The following SAMD3 variants were observed in gnomAD, a reference collection of about 807,000 sequenced individuals.
SAMD3 encodes sterile alpha motif domain-containing protein 3.
A neutral mutation model predicts 58.5 loss-of-function variants in SAMD3; 63 were observed. The ratio of observed to expected loss-of-function variants is 1.08; its 90% confidence interval spans 0.88 to 1.33. SAMD3 has a LOEUF of 1.33. SAMD3 is among the 40% of genes most tolerant of loss of function. The pLI is 0.00. For missense variants in SAMD3, 604 were observed against 608.4 expected (o/e 0.99, Z 0.08); for synonymous variants, 220 against 210.3 (o/e 1.05, Z -0.40).
chr6:130,343,191 T>C (rs1777323663), intron 1 of SAMD3, among the ~76,000 whole-genome samples: 1 of 151,934 alleles, frequency 6.6e-6, no homozygotes, highest in Non-Finnish European at 1.5e-5. Flanking sequence ...ATAAAAAGGA[T>C]TTCATTTCAC....
intron 2 of SAMD3, chr6:130,215,856 G>C: frequency 6.5e-7 from 1 of 1,533,984 alleles, no homozygotes; most frequent in Non-Finnish European, 8.7e-7. Flanking sequence ...ATTGTTTTCC[G>C]TTAGCAAGAA....
In SAMD3 at chr6:130,144,768, G is replaced by C. The variant is rs1005943455; in HGVS notation, c.1315C>G (p.Pro439Ala). The change falls in exon 12 of 12, where the codon CCT becomes GCT. Residue 439 changes from proline (P) to alanine (A), a missense_variant. Physicochemically the swap from Pro to Ala is conservative, Grantham distance 27. Coordinates refer to ENST00000439090, the MANE Select transcript of SAMD3 (RefSeq NM_001017373.4). ...AATTCGCAGACCTCCATGTTGAAAG[G>C]GTTTTTAACTTCCAACACAGGTGTG... is the stretch of plus-strand genomic sequence containing the variant. ...VSTPVLEVKN[P>A]FNMEVCEFSL... 2.5e-6 allele frequency: 4 copies of C among 1,613,660 alleles called. No individual in the cohort carries two copies. In the African/African-American group the frequency reaches 4.0e-5, roughly 16 times the overall value.
At chr6:130,356,768 T>C (rs146777946) in intron 1 of SAMD3, among the ~76,000 whole-genome samples, 3 of 152,348 alleles carry the variant, frequency 2.0e-5, no homozygotes, top group East Asian at 3.9e-4. Flanking sequence ...CAATCTTTTG[T>C]TCTTTTCTGG....
chr6:130,215,904 T>C, intron 2 of SAMD3: 1 of 1,406,298 alleles, frequency 7.1e-7, no homozygotes, highest in Non-Finnish European at 9.7e-7. Flanking sequence ...AGAATCTGAA[T>C]GTTTCTGTCC....
At chr6:130,170,351 T>C (rs1791132095) in intron 8 of SAMD3, among the ~76,000 whole-genome samples, 1 of 152,244 alleles carries the variant, frequency 6.6e-6, no homozygotes, top group Non-Finnish European at 1.5e-5. Context: ...TCCAGCTTCA[T>C]CCATGTCCCT....
intron 2 of SAMD3, 102 bp from the exon 3 acceptor site, chr6:130,215,396 T>A (rs1582956320): frequency 8.1e-7 from 1 of 1,232,850 alleles, no homozygotes; most frequent in East Asian, 2.9e-5. Flanking sequence ...CTCCTTTATC[T>A]TCTCAATGTT....
At chr6:130,308,415 A>ATTCTATTCTATTCT (rs1776017756) in intron 2 of SAMD3, among the ~76,000 whole-genome samples, 2 of 120,558 alleles carry the variant, frequency 1.7e-5, no homozygotes, top group African/African-American at 3.7e-5. Flanking sequence ...ATTCTATTCT[A>ATTCTATTCTATTCT]TTCTATTCTA....
intron 1 of SAMD3, among the ~76,000 whole-genome samples, 164 bp downstream of exon 1, chr6:130,222,530 T>A (rs1796262710): frequency 6.6e-6 from 1 of 152,210 alleles, no homozygotes. Context: ...ACACAAAGGC[T>A]GGGAAAGCAT....
chr6:130,192,606 C>T (rs556395063), intron 5 of SAMD3, among the ~76,000 whole-genome samples: 28 of 152,122 alleles, frequency 1.8e-4, no homozygotes, highest in African/African-American at 5.1e-4. Context: ...CATCTCCCTT[C>T]GCTGACTCTC....
upstream of SAMD3, among the ~76,000 whole-genome samples, chr6:130,227,435 G>T (rs1217049709): frequency 6.6e-6 from 1 of 152,146 alleles, no homozygotes; most frequent in African/African-American, 2.4e-5. Context: ...GAACACAGGG[G>T]TGTGCAAATA....
intron 1 of SAMD3, among the ~76,000 whole-genome samples, chr6:130,345,547 G>T (rs1777419424): frequency 6.6e-6 from 1 of 152,022 alleles, no homozygotes; most frequent in Non-Finnish European, 1.5e-5. Context: ...GGATGAGATT[G>T]GTTTGGGGGA....
At chr6:130,251,889 A>G (rs1400441709) in intron 2 of SAMD3, among the ~76,000 whole-genome samples, 1 of 151,918 alleles carries the variant, frequency 6.6e-6, no homozygotes, top group Non-Finnish European at 1.5e-5. Flanking sequence ...GAATAATCTG[A>G]TCCTGAGGGT....
At chr6:130,235,080 A>G (rs1773100573) in intron 2 of SAMD3, among the ~76,000 whole-genome samples, 1 of 152,122 alleles carries the variant, frequency 6.6e-6, no homozygotes, top group Non-Finnish European at 1.5e-5. Context: ...GTGACACTGC[A>G]CTCCAGCCTG....
chr6:130,162,135 T>A (rs1339106423), intron 8 of SAMD3: 2 of 628,362 alleles, frequency 3.2e-6, no homozygotes, highest in African/African-American at 3.7e-5. Flanking sequence ...AAAGAGCGTA[T>A]GCTATGCTTC....
chr6:130,160,664 GT>G (rs1240371092), intron 8 of SAMD3: 1 of 152,066 alleles, frequency 6.6e-6, no homozygotes, highest in Non-Finnish European at 1.5e-5. Context: ...TTTAATTGAG[GT>G]TGGAAGAATA....
chr6:130,289,151 T>C (rs1422884147), intron 2 of SAMD3, among the ~76,000 whole-genome samples: 2 of 152,186 alleles, frequency 1.3e-5, no homozygotes, highest in Non-Finnish European at 2.9e-5. Context: ...GATGTTGTTG[T>C]TGAGGCTACT....
intron 9 of SAMD3, among the ~76,000 whole-genome samples, chr6:130,150,235 G>C (rs887852492): frequency 1.5e-4 from 23 of 152,214 alleles, no homozygotes; most frequent in Non-Finnish European, 2.9e-5. Flanking sequence ...TGGCTTGCCA[G>C]ACTGGTGGAG....
intron 8 of SAMD3, among the ~76,000 whole-genome samples, chr6:130,166,697 C>T (rs1274621548): frequency 6.6e-6 from 1 of 152,076 alleles, no homozygotes; most frequent in Non-Finnish European, 1.5e-5. Context: ...AAGATGCAAA[C>T]CCATTAGAAA....
At chr6:130,312,242 G>T (rs115706750) in intron 2 of SAMD3, among the ~76,000 whole-genome samples, 2,085 of 152,336 alleles carry the variant, frequency 0.014, 52 homozygotes, top group African/African-American at 0.045. Flanking sequence ...AGTGATGGTT[G>T]AACTCTCCAT....
Sources: gnomAD v4.1 joint callset for allele counts (sites outside exome capture counted in the v4.1 genomes callset) on GRCh38, gnomAD v4.1.1 for gene constraint, MANE v1.5 for transcripts, NCBI Gene and HGNC (gene_info 2026-07-23, HGNC 2026-07-21) for gene names.